Variants in SAMMSON observed in about 807,000 individuals in gnomAD.
SAMMSON encodes the protein survival associated mitochondrial melanoma specific oncogenic non-coding RNA.
chr3:70,048,747 A>C (rs1371804279), intron 3 of SAMMSON, among the ~76,000 whole-genome samples: 3 of 152,116 alleles, frequency 2.0e-5, no homozygotes, highest in Non-Finnish European at 2.9e-5. Context: ...CTATGTCTGC[A>C]TTATATTATT....
At chr3:70,433,094 C>T (rs1201909660) in intron 2 of SAMMSON, among the ~76,000 whole-genome samples, 2 of 152,044 alleles carry the variant, frequency 1.3e-5, no homozygotes, top group Non-Finnish European at 2.9e-5. Context: ...TAGCTACTTT[C>T]AATTATGAAT....
In SAMMSON at chr3:70,187,492, C is replaced by G. The variant is rs564578576; in HGVS notation, n.508-61615C>G. Among the ~76,000 whole-genome samples, 25 of 123,090 alleles carry G rather than the reference C, an allele frequency of 2.0e-4. No individual in the cohort carries two copies. In the South Asian group the frequency reaches 6.6e-3, roughly 33 times the overall value. 80.8% of individuals were successfully genotyped at this position (123,090 alleles called of 152,430 possible). A position where few individuals can be genotyped will look rare whatever the true frequency, so the allele number is the denominator to read the frequency against. ...TCGCTCTGTCGCCCAGGCTGGAGTG[C>G]AGTGGCGCGATCTCGACTCACTGCA... is the stretch of plus-strand genomic sequence containing the variant. On this transcript the variant is annotated intron_variant and non_coding_transcript_variant, in intron 4 of 9. Transcript: ENST00000642114.
At chr3:70,376,617 T>G (rs1000545829) in intron 9 of SAMMSON, among the ~76,000 whole-genome samples, 1 of 152,086 alleles carries the variant, frequency 6.6e-6, no homozygotes, top group African/African-American at 2.4e-5. Context: ...TCACTATTGA[T>G]TCTAGGATTT....
At chr3:70,341,088 T>C (rs988633210) in intron 7 of SAMMSON, among the ~76,000 whole-genome samples, 24 of 152,216 alleles carry the variant, frequency 1.6e-4, no homozygotes, top group African/African-American at 4.8e-4. Context: ...ATTGTCATCA[T>C]GTTTATTGTT....
chr3:70,299,135 C>T (rs940151169), intron 7 of SAMMSON, among the ~76,000 whole-genome samples: 2 of 151,994 alleles, frequency 1.3e-5, no homozygotes, highest in Non-Finnish European at 2.9e-5. Context: ...GCCTGAATAT[C>T]CAAACATAGG....
rs74943366 is a variant in SAMMSON, at chr3:70,212,135, A to G, written n.508-36972A>G. Among the ~76,000 whole-genome samples, 1,040 of 152,210 alleles carry G rather than the reference A, an allele frequency of 6.8e-3. 60 individuals are homozygous for G. The East Asian group carries it at 0.15, about 21-fold the overall frequency. On this transcript the variant is annotated intron_variant and non_coding_transcript_variant, in intron 4 of 9. Transcript: ENST00000642114. ...CACTAAATCTTCATCCAGCCATCCA[A>G]AGATGCAGGCAATATTTGCCAAGCA...
intron 2 of SAMMSON, among the ~76,000 whole-genome samples, chr3:70,434,026 C>T (rs866901014): frequency 8.3e-4 from 126 of 152,318 alleles, no homozygotes; most frequent in African/African-American, 2.9e-3. Flanking sequence ...ACTAATACCA[C>T]ACTTTCTTGA....
chr3:70,136,730 A>G (rs1200007978), intron 4 of SAMMSON, among the ~76,000 whole-genome samples: 1 of 152,238 alleles, frequency 6.6e-6, no homozygotes, highest in Non-Finnish European at 1.5e-5. Context: ...GCTTAGGAGA[A>G]TACTGTATTT....
At chr3:70,320,802 G>C (rs141379057) in intron 7 of SAMMSON, among the ~76,000 whole-genome samples, 1 of 152,220 alleles carries the variant, frequency 6.6e-6, no homozygotes, top group African/African-American at 2.4e-5. Flanking sequence ...TAGGTTAACT[G>C]TAGGGTCTAA....
intron 4 of SAMMSON, among the ~76,000 whole-genome samples, chr3:70,224,315 T>C (rs1407492268): frequency 6.6e-6 from 1 of 152,196 alleles, no homozygotes; most frequent in East Asian, 1.9e-4. Context: ...ATAAATCCAA[T>C]ACATTTGGAG....
intron 4 of SAMMSON, among the ~76,000 whole-genome samples, chr3:70,100,824 T>G (rs2106654052): frequency 6.6e-6 from 1 of 152,348 alleles, no homozygotes; most frequent in East Asian, 1.9e-4. Context: ...TTTAATTTCC[T>G]GTCTCCATTA....
intron 3 of SAMMSON, among the ~76,000 whole-genome samples, chr3:70,015,573 TGTTTATTATACTTTAA>T (rs1277815160): frequency 6.6e-6 from 1 of 152,162 alleles, no homozygotes; most frequent in Non-Finnish European, 1.5e-5. Flanking sequence ...TTTCTTTCTT[TGTTTATTATACTTTAA>T]GTTCTAGGGT....
exon 7 of SAMMSON, chr3:70,291,181 C>T (rs186275715): frequency 6.6e-6 from 1 of 152,226 alleles, no homozygotes; most frequent in Admixed American, 6.5e-5. Context: ...ACATCCAGGG[C>T]CCTGGAGCCA....
At chr3:70,212,963 A>C (rs984796765) in intron 4 of SAMMSON, among the ~76,000 whole-genome samples, 4 of 151,756 alleles carry the variant, frequency 2.6e-5, no homozygotes, top group Non-Finnish European at 4.4e-5. Context: ...CAAGCTTATT[A>C]TAGTATTATT....
chr3:70,028,322 G>T (rs962036339), intron 3 of SAMMSON, among the ~76,000 whole-genome samples: 2 of 151,996 alleles, frequency 1.3e-5, no homozygotes, highest in Non-Finnish European at 2.9e-5. Context: ...CTCTCTCTTT[G>T]TGGGAATGAT....
chr3:70,141,996 T>C (rs1369404300), intron 4 of SAMMSON, among the ~76,000 whole-genome samples: 1 of 152,138 alleles, frequency 6.6e-6, no homozygotes, highest in East Asian at 1.9e-4. Flanking sequence ...ACCTTACTCC[T>C]GCAAGAATGG....
intron 3 of SAMMSON, among the ~76,000 whole-genome samples, chr3:70,035,172 G>A (rs775174917): frequency 5.3e-5 from 8 of 152,044 alleles, no homozygotes; most frequent in Admixed American, 3.9e-4. Flanking sequence ...TGGTGTTGTA[G>A]GTTGAAGGTC....
At chr3:70,233,809 G>T (rs7638933) in intron 4 of SAMMSON, among the ~76,000 whole-genome samples, 60,910 of 152,028 alleles carry the variant, frequency 0.4, 12,556 homozygotes, top group East Asian at 0.71. Context: ...TCAGATTGTT[G>T]CATATCTAAA....
rs149664273 is a variant in SAMMSON at position 70,050,015 on chromosome 3, T to C, written n.418-21461T>C. 7.6e-4 allele frequency among the ~76,000 whole-genome samples: 115 copies of C among 151,990 alleles called. 2 individuals are homozygous for C. The East Asian group carries it at 0.021, about 28-fold the overall frequency. On this transcript the variant is annotated intron_variant and non_coding_transcript_variant, in intron 3 of 9. Coordinates refer to ENST00000642114, the Ensembl canonical transcript of SAMMSON. ...GATTCTATGTGCCAAGCTGGAAAAG[T>C]AAAAAATTGCCAGCAAGGAGGGAAA... is the stretch of plus-strand genomic sequence containing the variant.
Sources: allele counts gnomAD v4.1 joint callset (sites outside exome capture counted in the v4.1 genomes callset), GRCh38; gene constraint gnomAD v4.1.1; transcripts MANE v1.5; gene names NCBI Gene and HGNC (gene_info 2026-07-23, HGNC 2026-07-21).